Variants in SLC38A3 observed in about 807,000 individuals in gnomAD.
SLC38A3 encodes the protein sodium-coupled neutral amino acid transporter 3.
In SLC38A3, 17 loss-of-function variants were observed where a neutral mutation model predicts 59.5. That is an observed-to-expected ratio of 0.29 (90% confidence interval 0.20 to 0.43). SLC38A3 has a LOEUF of 0.43. Among genes scored for constraint, SLC38A3 ranks in the 20% least tolerant of loss-of-function variants. SLC38A3 has a pLI of 1.00. For missense variants in SLC38A3, 454 were observed against 653.9 expected (o/e 0.69, Z 3.33); for synonymous variants, 238 against 260.3 (o/e 0.91, Z 0.82).
In SLC38A3 at chr3:50,214,402, G is replaced by A; in HGVS notation, c.102G>A (p.Arg34=). The A allele has an allele frequency of 3.1e-6, 5 of 1,591,982 alleles. No individual in the cohort carries two copies. In the South Asian group the frequency reaches 3.4e-5, roughly 11 times the overall value. Reference sequence around the variant, plus strand: ...CACCCACCCTGACCTGTGCCTACAGGGTCGAGGACCCTGCACGGAGCTGTA... The same window carrying A: ...CACCCACCCTGACCTGTGCCTACAGAGTCGAGGACCCTGCACGGAGCTGTA... ...PVITPMAGNQ[R]VEDPARSCME... is the part of the protein sequence containing the mutation. Residue 34 remains arginine, a splice_region_variant and synonymous_variant, in exon 3 of 16, where the codon AGG becomes AGA. Coordinates refer to ENST00000614032, the MANE Select transcript of SLC38A3 (RefSeq NM_006841.6). The surrounding 1 kb of genome is among the most constrained non-coding windows in gnomAD (Gnocchi z 6.0).
intron 1 of SLC38A3, among the ~76,000 whole-genome samples, chr3:50,206,334 C>T (rs952000530): frequency 6.6e-6 from 1 of 152,238 alleles, no homozygotes; most frequent in Non-Finnish European, 1.5e-5. Context: ...CCACTCATGC[C>T]CATCCTTCCT....
In SLC38A3 at chr3:50,220,132, CATT is replaced by C. The variant is rs1559757145; in HGVS notation, c.1471_1473del (p.Ile491del). Reference sequence around the variant, plus strand: ...TGACCATGAGCTTGAGCTTCATCATCATTGACTGGGCCTCAGGGACCAGCCGGC... The same window carrying C: ...TGACCATGAGCTTGAGCTTCATCATCGACTGGGCCTCAGGGACCAGCCGGC... On this transcript the variant is annotated inframe_deletion, in exon 16 of 16. Transcript: ENST00000614032. 1.9e-6 allele frequency: 3 copies of C among 1,604,104 alleles called. No individual in the cohort carries two copies. The highest frequency in any genetic ancestry group is 1.7e-5 in the Admixed American group (1 of 58,926).
Position 50,218,424 on chromosome 3 carries a change from G to C in SLC38A3, c.1036+54G>C. The C allele has an allele frequency of 6.5e-7, 1 of 1,537,450 alleles. No homozygotes were observed. The highest frequency in any genetic ancestry group is 9.0e-7 in the Non-Finnish European group (1 of 1,110,742). The stretch of plus-strand genomic sequence containing the variant: ...AGGCTAGGCTGGGGGGAAGGGGCTG[G>C]TTGTGGCCATGGTGCCCTCCATACC... On this transcript the variant is annotated intron_variant, in intron 12 of 15. Transcript: ENST00000614032. This position sits in a 1 kb window ranked among gnomAD's most constrained non-coding sequence, Gnocchi z 5.8.
chr3:50,219,069 G>C, intron 14 of SLC38A3, 121 bp downstream of exon 14: 1 of 1,289,658 alleles, frequency 7.8e-7, no homozygotes, highest in Non-Finnish European at 1.1e-6. Flanking sequence ...TGCACAGTTT[G>C]GCCTTCCATC....
chr3:50,207,385 C>T (rs1326171299), intron 1 of SLC38A3: 1 of 152,134 alleles, frequency 6.6e-6, no homozygotes, highest in Non-Finnish European at 1.5e-5. Context: ...CACAATCTCG[C>T]CTCACTGCAA....
At chr3:50,210,710 G>A (rs1207800253) in intron 1 of SLC38A3, among the ~76,000 whole-genome samples, 1 of 152,186 alleles carries the variant, frequency 6.6e-6, no homozygotes, top group African/African-American at 2.4e-5. Context: ...GGTGATGTTC[G>A]CGTGGGCGGG....
intron 1 of SLC38A3, among the ~76,000 whole-genome samples, chr3:50,210,322 G>A (rs773241276): frequency 6.6e-6 from 1 of 152,162 alleles, no homozygotes; most frequent in Non-Finnish European, 1.5e-5. Flanking sequence ...GGATAATCAC[G>A]ATGGACCCTC....
At position 50,218,099 on chromosome 3, in the gene SLC38A3, C is replaced by A; in HGVS notation, c.935+103C>A. ...GAGAGGGGAGTGACAGGAGCCAAGT[C>A]ACTTTATCTGAGATGTCCTTGGCAG... On this transcript the variant is annotated intron_variant, in intron 11 of 15. Coordinates refer to ENST00000614032, the MANE Select transcript of SLC38A3 (RefSeq NM_006841.6). The surrounding 1 kb of genome is among the most constrained non-coding windows in gnomAD (Gnocchi z 5.8). 8.0e-7 allele frequency: 1 copy of A among 1,243,578 alleles called. No individual in the cohort carries two copies. The allele number at this position is 1,243,578 out of a possible 1,614,324, so 77.0% of individuals were successfully genotyped here.
In SLC38A3 at chr3:50,214,158, T is replaced by C. The variant is rs1006506420; in HGVS notation, c.-42T>C. ...ACCGGCTGCTCTGCAGACATCTGACTGTTGGTGTGAGACCAGTGCTCCTGG... is the reference window on the plus strand; with the variant it reads ...ACCGGCTGCTCTGCAGACATCTGACCGTTGGTGTGAGACCAGTGCTCCTGG... On this transcript the variant is annotated 5_prime_UTR_variant, in exon 2 of 16. Transcript: ENST00000614032. This position sits in a 1 kb window ranked among gnomAD's most constrained non-coding sequence, Gnocchi z 6.0. 7.6e-6 allele frequency: 12 copies of C among 1,581,542 alleles called. No individual in the cohort carries two copies. The Admixed American group carries it at 1.4e-4, about 18-fold the overall frequency.
Position 50,217,858 on chromosome 3 carries a change from C to G in SLC38A3, c.855+18C>G. 6.2e-7 allele frequency: 1 copy of G among 1,614,056 alleles called. No homozygotes were observed. Among genetic ancestry groups the G allele is most frequent in the South Asian group, 1.1e-5 (1 of 91,086 alleles). On this transcript the variant is annotated intron_variant, in intron 10 of 15. Transcript: ENST00000614032. This position sits in a 1 kb window ranked among gnomAD's most constrained non-coding sequence, Gnocchi z 4.9. ...ACTCACAGGTTCTGACAGGTCAGGG[C>G]AAGGCGGGGGCCCAATGAGAGTGGC...
chr3:50,208,647 C>T (rs1359921170), intron 1 of SLC38A3, among the ~76,000 whole-genome samples: 1 of 152,202 alleles, frequency 6.6e-6, no homozygotes, highest in Non-Finnish European at 1.5e-5. Flanking sequence ...TTTCTCACCT[C>T]CCTGGTTGTT....
At position 50,214,492 on chromosome 3, in the gene SLC38A3, G is replaced by T; in HGVS notation, c.183+9G>T. The T allele has an allele frequency of 1.3e-6, 2 of 1,558,752 alleles. No individual in the cohort carries two copies. The highest frequency in any genetic ancestry group is 1.4e-5 in the African/African-American group (1 of 73,442). Reference sequence around the variant, plus strand: ...AGCCACACTTCACTGACGTGAGCAGGGCAGCAACGGGTTTTAGGGGACACT... The same window carrying T: ...AGCCACACTTCACTGACGTGAGCAGTGCAGCAACGGGTTTTAGGGGACACT... On this transcript the variant is annotated intron_variant, in intron 3 of 15. Coordinates refer to ENST00000614032, the MANE Select transcript of SLC38A3 (RefSeq NM_006841.6). This position sits in a 1 kb window ranked among gnomAD's most constrained non-coding sequence, Gnocchi z 6.0.
Position 50,221,026 on chromosome 3 carries a change from T to C in SLC38A3, c.*849T>C, listed in dbSNP as rs1008676008. On this transcript the variant is annotated 3_prime_UTR_variant, in exon 16 of 16. Transcript: ENST00000614032. ...CCATGGTCCCTGGATTCCTGGAAAGTGAGGTACGGGCCAGAACATGGATGG... is the reference window on the plus strand; with the variant it reads ...CCATGGTCCCTGGATTCCTGGAAAGCGAGGTACGGGCCAGAACATGGATGG... 3.9e-5 allele frequency: 6 copies of C among 152,348 alleles called. No individual in the cohort carries two copies. The highest frequency in any genetic ancestry group is 2.0e-4 in the Admixed American group (3 of 15,294). 9.4% of individuals were successfully genotyped at this position (152,348 alleles called of 1,614,324 possible).
chr3:50,212,244 G>T (rs1459931259), intron 1 of SLC38A3, among the ~76,000 whole-genome samples: 1 of 152,242 alleles, frequency 6.6e-6, no homozygotes, highest in Non-Finnish European at 1.5e-5. Flanking sequence ...GCAGAGAAGG[G>T]TGTTTTGTCC....
Position 50,218,257 on chromosome 3 carries a change from C to A in SLC38A3, c.936-13C>A, listed in dbSNP as rs587654636. On this transcript the variant is annotated splice_polypyrimidine_tract_variant and intron_variant, in intron 11 of 15. Transcript: ENST00000614032. The surrounding 1 kb of genome is among the most constrained non-coding windows in gnomAD (Gnocchi z 5.8). Reference sequence around the variant, plus strand: ...AGCTTGTCACCAACACCCACCCCCCCACTTCCCCACAGCCCCTCCAAGAAG... The same window carrying A: ...AGCTTGTCACCAACACCCACCCCCCAACTTCCCCACAGCCCCTCCAAGAAG... The A allele has an allele frequency of 3.0e-5, 46 of 1,541,748 alleles. No homozygotes were observed. In the African/African-American group the frequency reaches 3.3e-4, roughly 11 times the overall value.
In SLC38A3 at chr3:50,215,827, C is replaced by A. The variant is rs1484032167; in HGVS notation, c.548+6C>A. 2 of 1,358,688 alleles carry A rather than the reference C, an allele frequency of 1.5e-6. No homozygotes were observed. The highest frequency in any genetic ancestry group is 8.2e-5 in the East Asian group (2 of 24,394). 84.2% of individuals were successfully genotyped at this position (1,358,688 alleles called of 1,614,324 possible). On this transcript the variant is annotated splice_donor_region_variant and intron_variant, in intron 7 of 15. Coordinates refer to ENST00000614032, the MANE Select transcript of SLC38A3 (RefSeq NM_006841.6). The surrounding 1 kb of genome is among the most constrained non-coding windows in gnomAD (Gnocchi z 7.1). ...AACCTGGAGGAGAAAACCTCGTGAG[C>A]CCTGGCGTGGGGAGGGGAGGGGAGG...
rs2109160445 is a variant in SLC38A3 at position 50,220,355 on chromosome 3, C to T, written c.*178C>T. 3.3e-6 allele frequency: 2 copies of T among 606,080 alleles called. No homozygotes were observed. The highest frequency in any genetic ancestry group is 3.9e-5 in the South Asian group (2 of 51,726). The allele number at this position is 606,080 out of a possible 1,614,324, so 37.5% of individuals were successfully genotyped here. ...TTTGTTCAAGAGCCAGGACCAAGGCCCTTGGGCCACTACCCTGCTAGGCTC... is the reference window on the plus strand; with the variant it reads ...TTTGTTCAAGAGCCAGGACCAAGGCTCTTGGGCCACTACCCTGCTAGGCTC... On this transcript the variant is annotated 3_prime_UTR_variant, in exon 16 of 16. Coordinates refer to ENST00000614032, the MANE Select transcript of SLC38A3 (RefSeq NM_006841.6).
At position 50,218,938 on chromosome 3, in the gene SLC38A3, T is replaced by C. The variant is rs1405270606; in HGVS notation, c.1296T>C (p.Phe432=). ...VIFAPNILGI[F]GVIGATSAPF... is the part of the protein sequence containing the mutation. ...TTGCCCCCAACATCCTGGGCATCTT[T>C]GGGGTCATCGGTGAGGGTCTGGCCC... The change falls in exon 14 of 16, where the codon TTT becomes TTC. Residue 432 remains phenylalanine (F), a synonymous_variant. Transcript: ENST00000614032. This position sits in a 1 kb window ranked among gnomAD's most constrained non-coding sequence, Gnocchi z 5.8. The C allele has an allele frequency of 1.2e-6, 2 of 1,610,776 alleles. No individual in the cohort carries two copies. Among genetic ancestry groups the C allele is most frequent in the South Asian group, 1.1e-5 (1 of 91,026 alleles).
intron 1 of SLC38A3, among the ~76,000 whole-genome samples, chr3:50,206,988 G>A (rs939041583): frequency 2.6e-5 from 4 of 152,260 alleles, no homozygotes; most frequent in Non-Finnish European, 5.9e-5. Context: ...TGGCTGGGTG[G>A]TTCATGGTCT....
Sources: allele counts gnomAD v4.1 joint callset (sites outside exome capture counted in the v4.1 genomes callset), GRCh38; gene constraint gnomAD v4.1.1; non-coding constraint Gnocchi (gnomAD v3.1); transcripts MANE v1.5; gene names NCBI Gene and HGNC (gene_info 2026-07-23, HGNC 2026-07-21).